MCMDC2: variants seen among roughly 807,000 people sequenced by gnomAD.
MCMDC2 encodes minichromosome maintenance domain-containing protein 2.
MCMDC2 carries 54 observed loss-of-function variants against 75.8 expected under a neutral mutation model. That is an observed-to-expected ratio of 0.71 (90% CI 0.57 to 0.89). The LOEUF (loss-of-function observed/expected upper bound fraction) is 0.89. Ranked by LOEUF, MCMDC2 falls within the 40% of genes least tolerant of loss-of-function variation. MCMDC2 has a pLI of 0.00. For synonymous variants in MCMDC2, 249 were observed against 274.6 expected (o/e 0.91, Z 0.92); for missense variants, 656 against 780.4 (o/e 0.84, Z 1.90).
chr8:66,892,613 A>G (rs1351835271), intron 10 of MCMDC2, among the ~76,000 whole-genome samples: 1 of 152,174 alleles, frequency 6.6e-6, no homozygotes, highest in African/African-American at 2.4e-5. Flanking sequence ...GAGGAAGTAC[A>G]TGCTGATTGG....
intron 7 of MCMDC2, among the ~76,000 whole-genome samples, 165 bp from the exon 8 acceptor site, chr8:66,880,684 A>T (rs59483566): frequency 0.018 from 2,791 of 152,308 alleles, 89 homozygotes; most frequent in African/African-American, 0.062. Flanking sequence ...ATTGCATCAG[A>T]TTATATTATT....
intron 5 of MCMDC2, among the ~76,000 whole-genome samples, chr8:66,878,041 C>T (rs1343173964): frequency 1.3e-5 from 2 of 152,050 alleles, no homozygotes; most frequent in Non-Finnish European, 2.9e-5. Context: ...CCCCCGCCCC[C>T]ATCTTAACAA....
chr8:66,874,637 C>A, intron 4 of MCMDC2, 51 bp downstream of exon 4: 2 of 1,444,966 alleles, frequency 1.4e-6, no homozygotes, highest in Non-Finnish European at 1.9e-6. Context: ...TACATGATGA[C>A]TTGTAAAAAA....
rs1047134060 is a variant in MCMDC2 at position 66,874,189 on chromosome 8, A to C, written c.49A>C (p.Ser17Arg). Residue 17 changes from serine to arginine, a missense_variant, in exon 2 of 15, where the codon AGT becomes CGT. Physicochemically the swap from Ser to Arg is moderately radical, Grantham distance 110. Transcript: ENST00000422365. ...GGCGGCCCTCATCTATCTTGACAGAAGTGGAGGCCTCCAAAAGTTTATAGA... is the reference window on the plus strand; with the variant it reads ...GGCGGCCCTCATCTATCTTGACAGACGTGGAGGCCTCCAAAAGTTTATAGA... ...KEAALIYLDR[S>R]GGLQKFIDDC... 27 of 1,611,634 alleles carry C rather than the reference A, an allele frequency of 1.7e-5. No homozygotes were observed. The highest frequency in any genetic ancestry group is 2.3e-5 in the Non-Finnish European group (27 of 1,179,394).
intron 14 of MCMDC2, among the ~76,000 whole-genome samples, chr8:66,916,637 T>A (rs982011281): frequency 6.6e-6 from 1 of 150,882 alleles, no homozygotes; most frequent in Admixed American, 6.6e-5. Context: ...GGCAAAGGAG[T>A]GGAGGGACTG....
At position 66,877,537 on chromosome 8, in the gene MCMDC2, T is replaced by C. The variant is rs148650400; in HGVS notation, c.474T>C (p.Leu158=). 35 of 1,596,546 alleles carry C rather than the reference T, an allele frequency of 2.2e-5. No individual in the cohort carries two copies. The highest frequency in any genetic ancestry group is 2.9e-5 in the Non-Finnish European group (34 of 1,174,436). The change falls in exon 5 of 15, where the codon CTT becomes CTC. Residue 158 remains leucine (L), a synonymous_variant. Transcript: ENST00000422365. Reference sequence around the variant, plus strand: ...TTTGTTCAGATGAAGCATGCCCTCTTTCAAAAGGTAAATGTTAAATAGGAA... The same window carrying C: ...TTTGTTCAGATGAAGCATGCCCTCTCTCAAAAGGTAAATGTTAAATAGGAA... ...RFLCSDEACP[L]SKGFQYIRVH... is the part of the protein sequence containing the mutation.
At chr8:66,903,395 A>G (rs1173831996) in intron 13 of MCMDC2, among the ~76,000 whole-genome samples, 1 of 152,004 alleles carries the variant, frequency 6.6e-6, no homozygotes, top group Non-Finnish European at 1.5e-5. Flanking sequence ...GTAACAATAT[A>G]TTTATTTATT....
At chr8:66,906,661 C>T (rs933852404) in intron 14 of MCMDC2, among the ~76,000 whole-genome samples, 4 of 151,834 alleles carry the variant, frequency 2.6e-5, no homozygotes, top group African/African-American at 7.3e-5. Flanking sequence ...AAGAGAATAA[C>T]GCTGGTTCCC....
intron 14 of MCMDC2, among the ~76,000 whole-genome samples, chr8:66,906,038 T>C (rs1407152671): frequency 6.6e-6 from 1 of 150,900 alleles, no homozygotes; most frequent in Admixed American, 6.6e-5. Context: ...GAAAAGAAAA[T>C]CTGATTATCT....
At chr8:66,914,283 C>CAAAAAA (rs67943900) in intron 14 of MCMDC2, among the ~76,000 whole-genome samples, 13 of 85,734 alleles carry the variant, frequency 1.5e-4, no homozygotes, top group Admixed American at 5.6e-4. Flanking sequence ...ACCCTGTATC[C>CAAAAAA]AAAAAAAAAA....
At position 66,874,235 on chromosome 8, in the gene MCMDC2, G is replaced by T; in HGVS notation, c.94+1G>T. 1 of 1,611,334 alleles carries T rather than the reference G, an allele frequency of 6.2e-7. No individual in the cohort carries two copies. The highest frequency in any genetic ancestry group is 8.5e-7 in the Non-Finnish European group (1 of 1,179,284). On this transcript the variant is annotated splice_donor_variant, in intron 2 of 14. Transcript: ENST00000422365. LOFTEE classifies it high-confidence loss of function. The stretch of plus-strand genomic sequence containing the variant: ...ATAGATGATTGCAAGTACTACAATG[G>T]TACGTTCAGCAAAGGTGAGTTATTT...
chr8:66,914,760 G>C (rs1180207173), intron 14 of MCMDC2, among the ~76,000 whole-genome samples: 2 of 152,348 alleles, frequency 1.3e-5, no homozygotes, highest in East Asian at 3.9e-4. Context: ...TTGTAGTCCA[G>C]TTAGATGATA....
In MCMDC2 at chr8:66,891,555, G is replaced by A. The variant is rs542910229; in HGVS notation, c.1279+485G>A. Among the ~76,000 whole-genome samples, 7 of 152,156 alleles carry A rather than the reference G, an allele frequency of 4.6e-5. No individual in the cohort carries two copies. The South Asian group carries it at 1.5e-3, about 32-fold the overall frequency. ...GATATTGGATTTTGTCAAATGCTTT[G>A]TCTGCCTCTGTTAATATGATCATGT... On this transcript the variant is annotated intron_variant, in intron 10 of 14. Transcript: ENST00000422365.
At chr8:66,912,166 G>A (rs1046547210) in intron 14 of MCMDC2, among the ~76,000 whole-genome samples, 1 of 152,230 alleles carries the variant, frequency 6.6e-6, no homozygotes, top group Non-Finnish European at 1.5e-5. Flanking sequence ...TTTGGAAGAA[G>A]TTGATTCCAG....
intron 9 of MCMDC2, among the ~76,000 whole-genome samples, chr8:66,886,046 G>C (rs188466106): frequency 6.6e-6 from 1 of 151,858 alleles, no homozygotes; most frequent in East Asian, 1.9e-4. Context: ...TGACTATTAT[G>C]AATAAAGCTG....
chr8:66,895,595 T>C (rs1292035955), intron 10 of MCMDC2, among the ~76,000 whole-genome samples: 2 of 151,792 alleles, frequency 1.3e-5, no homozygotes, highest in Non-Finnish European at 2.9e-5. Flanking sequence ...AACAGGGTCT[T>C]GCCACGTTGC....
intron 9 of MCMDC2, among the ~76,000 whole-genome samples, chr8:66,889,630 C>T (rs1812004352): frequency 6.6e-6 from 1 of 151,970 alleles, no homozygotes; most frequent in Non-Finnish European, 1.5e-5. Context: ...AAACCCGTCT[C>T]TCCAAAAAAA....
intron 13 of MCMDC2, 181 bp downstream of exon 13, chr8:66,901,529 T>C: frequency 7.7e-7 from 1 of 1,297,830 alleles, no homozygotes; most frequent in South Asian, 2.6e-5. Flanking sequence ...TCATGTTACA[T>C]CATTTTAATC....
intron 14 of MCMDC2, among the ~76,000 whole-genome samples, chr8:66,916,062 A>G (rs779960697): frequency 1.3e-5 from 2 of 152,106 alleles, no homozygotes; most frequent in Non-Finnish European, 2.9e-5. Context: ...GGCTATGGAG[A>G]CAGCACACAT....
Sources: allele counts gnomAD v4.1 joint callset (sites outside exome capture counted in the v4.1 genomes callset), GRCh38; gene constraint gnomAD v4.1.1; transcripts MANE v1.5; gene names NCBI Gene and HGNC (gene_info 2026-07-23, HGNC 2026-07-21).